Variants in SHANK2 observed in about 807,000 individuals in gnomAD.
SHANK2 encodes the protein SH3 and multiple ankyrin repeat domains 2, also known as SH3 and multiple ankyrin repeat domains protein 2.
A neutral mutation model predicts 133.7 loss-of-function variants in SHANK2; 43 were observed. The observed-to-expected ratio is 0.32, with a 90% CI of 0.25 to 0.41. The LOEUF is 0.41. Among genes scored for constraint, SHANK2 ranks in the 10% least tolerant of loss-of-function variants. The pLI is 1.00. For synonymous variants in SHANK2, 1,017 were observed against 952.8 expected (o/e 1.07, Z -1.24); for missense variants, 1,994 against 2,235.8 (o/e 0.89, Z 2.18).
At chr11:70,803,269 C>A (rs1948088544) in intron 13 of SHANK2, among the ~76,000 whole-genome samples, 1 of 49,394 alleles carries the variant, frequency 2.0e-5, no homozygotes, top group African/African-American at 8.0e-5. Flanking sequence ...ATTCACCCAC[C>A]TATCAAACTC....
intron 10 of SHANK2, among the ~76,000 whole-genome samples, chr11:70,935,556 G>A (rs1555083325): frequency 6.6e-6 from 1 of 152,144 alleles, no homozygotes; most frequent in African/African-American, 2.4e-5. Context: ...CTTTCCAACA[G>A]CCTAAAACCT....
chr11:70,568,909 G>A (rs560883619), intron 17 of SHANK2, among the ~76,000 whole-genome samples: 1 of 152,304 alleles, frequency 6.6e-6, no homozygotes, highest in East Asian at 1.9e-4. Flanking sequence ...ATAGATGGCT[G>A]AGAAGCCTGC....
chr11:70,609,198 C>A (rs1408292400), intron 17 of SHANK2, among the ~76,000 whole-genome samples: 1 of 152,230 alleles, frequency 6.6e-6, no homozygotes, highest in Non-Finnish European at 1.5e-5. Context: ...AGGCAAGGCT[C>A]CGGGACGGCC....
chr11:70,804,336 G>A lies in SHANK2; in HGVS notation c.1663+2666C>T, dbSNP rs373376171. Among the ~76,000 whole-genome samples the A allele has an allele frequency of 4.6e-5, 7 of 152,244 alleles. No homozygotes were observed. The highest frequency in any genetic ancestry group is 3.9e-4 in the Admixed American group (6 of 15,294). ...GATGGGGAGGAGGCACCGACAGCTC[G>A]GCAGGAAGGAAGAGCGGTGCCACTG... On this transcript the variant is annotated intron_variant, in intron 13 of 25. Transcript: ENST00000601538. This position sits in a 1 kb window ranked among gnomAD's most constrained non-coding sequence, Gnocchi z 4.1.
rs919012852 is a variant in SHANK2 at position 70,535,570 on chromosome 11, G to A, written c.2062-32639C>T. ...CATCTGTCTGTTCGTCCATCTCCCC[G>A]TCCTTCTGTCTGCTGGTGCATCTCA... On this transcript the variant is annotated intron_variant, in intron 17 of 25. Transcript: ENST00000601538. This position sits in a 1 kb window ranked among gnomAD's most constrained non-coding sequence, Gnocchi z 4.3. Among the ~76,000 whole-genome samples the A allele has an allele frequency of 2.0e-5, 3 of 152,160 alleles. No individual in the cohort carries two copies. Among genetic ancestry groups the A allele is most frequent in the Admixed American group, 6.5e-5 (1 of 15,280 alleles).
chr11:70,509,677 G>C (rs1290265407), intron 17 of SHANK2, among the ~76,000 whole-genome samples: 1 of 152,184 alleles, frequency 6.6e-6, no homozygotes, highest in African/African-American at 2.4e-5. Flanking sequence ...TCTATGTGTT[G>C]AAACCCTCAC....
intron 14 of SHANK2, among the ~76,000 whole-genome samples, chr11:70,772,072 CAG>C (rs1181563072): frequency 2.0e-5 from 3 of 152,272 alleles, no homozygotes; most frequent in Admixed American, 6.5e-5. Flanking sequence ...TAAAATGATT[CAG>C]AGTCTCCGGG....
intron 9 of SHANK2, among the ~76,000 whole-genome samples, chr11:71,072,523 G>T (rs1036991405): frequency 6.6e-6 from 1 of 152,146 alleles, no homozygotes; most frequent in Non-Finnish European, 1.5e-5. Context: ...TCACATCAAG[G>T]TTCCACTTGT....
intron 10 of SHANK2, among the ~76,000 whole-genome samples, chr11:70,922,729 TA>T (rs1184262948): frequency 7.3e-5 from 11 of 151,560 alleles, no homozygotes; most frequent in South Asian, 2.1e-4. Flanking sequence ...GATGATCCCA[TA>T]AAAAAAATTC....
rs1054596151 is a variant in SHANK2, at chr11:71,064,184, G to A, written c.1030-7626C>T. Among the ~76,000 whole-genome samples, 69 of 152,350 alleles carry A rather than the reference G, an allele frequency of 4.5e-4. 1 individual carries two copies. Among genetic ancestry groups the A allele is most frequent in the African/African-American group, 1.6e-3 (68 of 41,580 alleles). On this transcript the variant is annotated intron_variant, in intron 9 of 25. Transcript: ENST00000601538. Reference sequence around the variant, plus strand: ...TGTCCTAGTCCCTGGGGACACAGATGCAAACCAGAAAGTCAAGGTCTCTGC... The same window carrying A: ...TGTCCTAGTCCCTGGGGACACAGATACAAACCAGAAAGTCAAGGTCTCTGC...
At chr11:70,900,320 C>A (rs1435449980) in intron 10 of SHANK2, among the ~76,000 whole-genome samples, 1 of 151,712 alleles carries the variant, frequency 6.6e-6, no homozygotes, top group African/African-American at 2.4e-5. Context: ...TGCCACTGCA[C>A]TCCAGCTCGG....
chr11:70,670,065 G>A (rs1432973960), intron 15 of SHANK2, among the ~76,000 whole-genome samples: 1 of 152,226 alleles, frequency 6.6e-6, no homozygotes, highest in Non-Finnish European at 1.5e-5. Context: ...GGTGGGTGGT[G>A]GGACCTGGGA....
At chr11:70,779,227 G>C (rs996160403) in intron 14 of SHANK2, among the ~76,000 whole-genome samples, 1 of 151,484 alleles carries the variant, frequency 6.6e-6, no homozygotes, top group Non-Finnish European at 1.5e-5. Context: ...TCACGGCAGC[G>C]AGGCTCTGAG....
chr11:70,728,403 C>T (rs1435898997), intron 14 of SHANK2, among the ~76,000 whole-genome samples: 2 of 152,204 alleles, frequency 1.3e-5, no homozygotes, highest in Admixed American at 6.5e-5. Flanking sequence ...TAGAAGGCAG[C>T]CCCCTTACTG....
At chr11:70,497,306 T>G (rs1328821917) in intron 21 of SHANK2, among the ~76,000 whole-genome samples, 3 of 152,204 alleles carry the variant, frequency 2.0e-5, no homozygotes, top group Admixed American at 6.5e-5. Flanking sequence ...CTTCTCATTC[T>G]AGGCTCCTAA....
intron 14 of SHANK2, among the ~76,000 whole-genome samples, chr11:70,743,515 T>C (rs1445269942): frequency 5.3e-5 from 8 of 152,216 alleles, no homozygotes; most frequent in Non-Finnish European, 1.2e-4. Flanking sequence ...TAGAGGATTT[T>C]TGTTACAGCA....
chr11:70,934,575 T>G (rs1344048140), intron 10 of SHANK2, among the ~76,000 whole-genome samples: 3 of 152,226 alleles, frequency 2.0e-5, no homozygotes, highest in Non-Finnish European at 4.4e-5. Context: ...CACCCCCAGA[T>G]AGCCTCTCCT....
chr11:70,777,720 T>C (rs1947396615), intron 14 of SHANK2, among the ~76,000 whole-genome samples: 2 of 152,246 alleles, frequency 1.3e-5, no homozygotes, highest in South Asian at 4.1e-4. Context: ...CTCCAGGTCC[T>C]TGCCTTCAGT....
At chr11:71,105,243 T>C (rs1390395471) in intron 6 of SHANK2, among the ~76,000 whole-genome samples, 1 of 152,154 alleles carries the variant, frequency 6.6e-6, no homozygotes, top group Non-Finnish European at 1.5e-5. Context: ...CACTGTGTGA[T>C]TTTAAGATTC....
Sources: allele counts gnomAD v4.1 joint callset (sites outside exome capture counted in the v4.1 genomes callset), GRCh38; gene constraint gnomAD v4.1.1; non-coding constraint Gnocchi (gnomAD v3.1); transcripts MANE v1.5; gene names NCBI Gene and HGNC (gene_info 2026-07-23, HGNC 2026-07-21).